The following DLGAP2 variants were observed in gnomAD, a reference collection of about 807,000 sequenced individuals.
DLGAP2 encodes disks large-associated protein 2.
Under a neutral mutation model 100.3 loss-of-function variants are expected in DLGAP2, and 26 were observed. The observed-to-expected ratio is 0.26, with a 90% confidence interval of 0.19 to 0.36. The LOEUF (loss-of-function observed/expected upper bound fraction) is 0.36, where lower values mean the gene tolerates loss of function less well. Among genes scored for constraint, DLGAP2 ranks in the 10% least tolerant of loss-of-function variants. The pLI is 1.00. For synonymous variants in DLGAP2, 886 were observed against 630.1 expected, an observed-to-expected ratio of 1.41 and a Z score of -6.08; for missense variants, 1,858 against 1,453.2, an observed-to-expected ratio of 1.28 and a Z score of -4.53.
intron 3 of DLGAP2, among the ~76,000 whole-genome samples, chr8:1,371,457 G>A (rs1234632607): frequency 6.6e-6 from 1 of 152,194 alleles, no homozygotes; most frequent in Non-Finnish European, 1.5e-5. Context: ...GATGACTCAG[G>A]CTGGTGCTCT....
At chr8:1,678,107 C>G (rs918076126) in intron 11 of DLGAP2, 107 bp from the exon 12 acceptor site, 43 of 1,316,026 alleles carry the variant, frequency 3.3e-5, no homozygotes, top group Non-Finnish European at 4.2e-5. Flanking sequence ...CCTTGAGCCG[C>G]CAGGCTGTTG....
At chr8:1,516,029 GTGAATGAGTAACTGAGTGAA>G (rs1368976971) in intron 4 of DLGAP2, among the ~76,000 whole-genome samples, 5 of 144,372 alleles carry the variant, frequency 3.5e-5, no homozygotes, top group Admixed American at 2.8e-4. Flanking sequence ...GAATGAGTGA[GTGAATGAGTAACTGAGTGAA>G]TGAGTGAGTG....
intron 3 of DLGAP2, among the ~76,000 whole-genome samples, chr8:1,407,506 A>G (rs79390510): frequency 7.0e-6 from 1 of 142,652 alleles, no homozygotes; most frequent in African/African-American, 2.6e-5. Context: ...ACTGAGCGCC[A>G]CCTCCTCATC....
In DLGAP2 at chr8:1,198,202, A is replaced by G. The variant is rs927369183; in HGVS notation, c.74-60649A>G. Among the ~76,000 whole-genome samples the G allele has an allele frequency of 2.9e-4, 44 of 151,866 alleles. 1 individual carries two copies. The highest frequency in any genetic ancestry group is 1.0e-3 in the African/African-American group (43 of 41,294). On this transcript the variant is annotated intron_variant, in intron 2 of 14. Coordinates refer to ENST00000637795, the MANE Select transcript of DLGAP2 (RefSeq NM_001346810.2). ...GGCTATGCTGCGGCGAAAAGGAGCA[A>G]TTTCCTTGAGGATTCCAGCTCCTCA...
intron 1 of DLGAP2, among the ~76,000 whole-genome samples, chr8:771,782 AC>A: frequency 6.6e-6 from 1 of 152,370 alleles, no homozygotes; most frequent in South Asian, 2.1e-4. Flanking sequence ...AGTAATTTAC[AC>A]TAACCATAAA....
At chr8:1,275,517 G>T (rs1055378443) in intron 3 of DLGAP2, among the ~76,000 whole-genome samples, 11 of 151,566 alleles carry the variant, frequency 7.3e-5, no homozygotes, top group African/African-American at 1.2e-4. Flanking sequence ...AGATGCAGGT[G>T]GAACTCAGAA....
intron 2 of DLGAP2, among the ~76,000 whole-genome samples, chr8:1,100,720 G>T (rs1804550836): frequency 6.6e-6 from 1 of 152,136 alleles, no homozygotes; most frequent in Non-Finnish European, 1.5e-5. Flanking sequence ...AGCTCCTTTT[G>T]ACTTCATTCT....
At chr8:1,148,998 T>G (rs563296344) in intron 2 of DLGAP2, among the ~76,000 whole-genome samples, 1 of 152,376 alleles carries the variant, frequency 6.6e-6, no homozygotes, top group African/African-American at 2.4e-5. Flanking sequence ...ATGTGCTTAA[T>G]TGATCAGATT....
In DLGAP2 at chr8:1,352,262, T is replaced by C. The variant is rs112890016; in HGVS notation, c.106+93379T>C. Among the ~76,000 whole-genome samples, 70 of 59,470 alleles carry C rather than the reference T, an allele frequency of 1.2e-3. 4 individuals carry two copies. Among genetic ancestry groups the C allele is most frequent in the African/African-American group, 4.0e-3 (68 of 16,948 alleles). The allele number at this position is 59,470 out of a possible 152,430, so 39.0% of individuals were successfully genotyped here. A position where few individuals can be genotyped will look rare whatever the true frequency, so the allele number is the denominator to read the frequency against. Reference sequence around the variant, plus strand: ...TTTGGAAAGGCCGTGTGGGTCCTGATCGTGTGTGGAAAGGACGTGCGGGTC... The same window carrying C: ...TTTGGAAAGGCCGTGTGGGTCCTGACCGTGTGTGGAAAGGACGTGCGGGTC... On this transcript the variant is annotated intron_variant, in intron 3 of 14. Coordinates refer to ENST00000637795, the MANE Select transcript of DLGAP2 (RefSeq NM_001346810.2).
chr8:1,056,353 G>A (rs1256778126), intron 2 of DLGAP2, among the ~76,000 whole-genome samples: 1 of 152,158 alleles, frequency 6.6e-6, no homozygotes, highest in Non-Finnish European at 1.5e-5. Context: ...AATTCCTCCA[G>A]CTCTGTGTGT....
rs185080290 is a variant in DLGAP2, at chr8:1,668,353, A to T, written c.1835A>T (p.Lys612Ile). ...TAAVSYTNYKKTPPPVPPRTT... is the reference protein window; with the variant it reads ...TAAVSYTNYKITPPPVPPRTT... ...GCTGTCTCATATACAAATTACAAGA[A>T]AACGCCCCCACCGGTGCCCCCTCGG... The change falls in exon 9 of 15, where the codon AAA (lysine) becomes ATA (isoleucine). Residue 612 changes from lysine (K) to isoleucine (I), a missense_variant. Transcript: ENST00000637795. 6.5e-7 allele frequency: 1 copy of T among 1,527,232 alleles called. No individual in the cohort carries two copies. Among genetic ancestry groups the T allele is most frequent in the Admixed American group, 2.2e-5 (1 of 44,624 alleles). The allele number at this position is 1,527,232 out of a possible 1,614,324, so 94.6% of individuals were successfully genotyped here. A position where few individuals can be genotyped will look rare whatever the true frequency, so the allele number is the denominator to read the frequency against.
At chr8:1,003,942 C>G (rs1412992907) in intron 2 of DLGAP2, among the ~76,000 whole-genome samples, 2 of 152,186 alleles carry the variant, frequency 1.3e-5, no homozygotes, top group Non-Finnish European at 2.9e-5. Context: ...GTGTCCCCCT[C>G]CCAAAAGATT....
At chr8:889,699 T>G (rs1406948809) in intron 1 of DLGAP2, among the ~76,000 whole-genome samples, 1 of 152,190 alleles carries the variant, frequency 6.6e-6, no homozygotes, top group African/African-American at 2.4e-5. Context: ...TTTAGCATGT[T>G]AGGCCATTGT....
chr8:787,494 G>A (rs529044595), intron 1 of DLGAP2, among the ~76,000 whole-genome samples: 2 of 152,266 alleles, frequency 1.3e-5, no homozygotes, highest in South Asian at 2.1e-4. Flanking sequence ...GGATGGTCCT[G>A]TGATGGGGTC....
Position 741,988 on chromosome 8 carries a change from T to C in DLGAP2, c.18+4163T>C, listed in dbSNP as rs115546207. On this transcript the variant is annotated intron_variant, in intron 1 of 14. Coordinates refer to ENST00000637795, the MANE Select transcript of DLGAP2 (RefSeq NM_001346810.2). ...CTGTGGAGGAGAAGGGCGGCTGTTA[T>C]GCAGAGAGCTTGGTCCTGAGGATGC... is the stretch of plus-strand genomic sequence containing the variant. Among the ~76,000 whole-genome samples the C allele has an allele frequency of 3.6e-3, 543 of 152,354 alleles. 6 individuals carry two copies. The highest frequency in any genetic ancestry group is 0.013 in the African/African-American group (523 of 41,578).
intron 10 of DLGAP2, among the ~76,000 whole-genome samples, chr8:1,673,469 C>T (rs931052563): frequency 2.6e-5 from 4 of 152,208 alleles, no homozygotes; most frequent in Admixed American, 2.6e-4. Context: ...CAGACTTTAC[C>T]ATCCAGCAAT....
chr8:1,495,091 C>T (rs1433487158), intron 3 of DLGAP2, among the ~76,000 whole-genome samples: 1 of 152,208 alleles, frequency 6.6e-6, no homozygotes, highest in Non-Finnish European at 1.5e-5. Flanking sequence ...CAGCTCAGCC[C>T]CTGGCGGTCT....
At chr8:1,595,952 A>G (rs1281022195) in intron 6 of DLGAP2, among the ~76,000 whole-genome samples, 1 of 151,840 alleles carries the variant, frequency 6.6e-6, no homozygotes, top group Non-Finnish European at 1.5e-5. Context: ...TACATGTGCC[A>G]TGTTGGTGTG....
intron 2 of DLGAP2, among the ~76,000 whole-genome samples, chr8:1,013,089 A>T (rs2129021437): frequency 6.6e-6 from 1 of 152,012 alleles, no homozygotes; most frequent in African/African-American, 2.4e-5. Context: ...CTGGGCACCT[A>T]TGTTCTTTGT....
Sources: gnomAD v4.1 joint callset for allele counts (sites outside exome capture counted in the v4.1 genomes callset) on GRCh38, gnomAD v4.1.1 for gene constraint, MANE v1.5 for transcripts, NCBI Gene and HGNC (gene_info 2026-07-23, HGNC 2026-07-21) for gene names.